Variants in NRG3 observed in about 807,000 individuals in gnomAD.
The protein encoded by NRG3 is neuregulin 3.
Under a neutral mutation model 66.9 loss-of-function variants are expected in NRG3, and 31 were observed. That is an observed-to-expected ratio of 0.46 (90% CI 0.35 to 0.63). NRG3 has a LOEUF of 0.63. NRG3 is among the 20% of genes least tolerant of loss of function. The pLI is 0.00. For missense variants in NRG3, 910 were observed against 878.9 expected (o/e 1.04, Z -0.45); for synonymous variants, 393 against 359.4 (o/e 1.09, Z -1.06).
intron 2 of NRG3, among the ~76,000 whole-genome samples, chr10:82,519,770 T>C (rs1846021114): frequency 6.6e-6 from 1 of 152,104 alleles, no homozygotes; most frequent in South Asian, 2.1e-4. Flanking sequence ...GTCAGGTCCA[T>C]GGGGGAGAAA....
chr10:81,999,862 A>C (rs1019502349), intron 1 of NRG3, among the ~76,000 whole-genome samples: 1 of 152,194 alleles, frequency 6.6e-6, no homozygotes, highest in South Asian at 2.1e-4. Flanking sequence ...GCTGAGACAC[A>C]GGGAGTATAA....
At chr10:82,122,069 C>T (rs752033407) in intron 1 of NRG3, among the ~76,000 whole-genome samples, 4 of 152,152 alleles carry the variant, frequency 2.6e-5, no homozygotes, top group Non-Finnish European at 5.9e-5. Flanking sequence ...GGTTCAGTCT[C>T]ATCGGTAAAA....
In NRG3 at chr10:82,219,455, C is replaced by T. The variant is rs531341070; in HGVS notation, c.824-139284C>T. 5.3e-5 allele frequency among the ~76,000 whole-genome samples: 8 copies of T among 152,004 alleles called. No homozygotes were observed. The East Asian group carries it at 1.6e-3, about 29-fold the overall frequency. On this transcript the variant is annotated intron_variant, in intron 1 of 8. Transcript: ENST00000372141. ...ATCTATTTTAAGATCCACTTGCAAG[C>T]TACATCTACATAAATGTCCATTAAC...
intron 1 of NRG3, among the ~76,000 whole-genome samples, chr10:82,047,851 C>T (rs1291733239): frequency 2.6e-5 from 4 of 152,018 alleles, no homozygotes; most frequent in African/African-American, 9.7e-5. Flanking sequence ...ATTCAGGAAA[C>T]CCATCTCACA....
chr10:82,623,089 T>G (rs1300473669), intron 2 of NRG3, among the ~76,000 whole-genome samples: 1 of 152,178 alleles, frequency 6.6e-6, no homozygotes, highest in Admixed American at 6.5e-5. Flanking sequence ...TTTATTTGAC[T>G]ATTTCACCCA....
At chr10:82,092,589 G>C (rs895253287) in intron 1 of NRG3, among the ~76,000 whole-genome samples, 15 of 152,162 alleles carry the variant, frequency 9.9e-5, no homozygotes, top group African/African-American at 3.6e-4. Context: ...AGGTCTGTTG[G>C]GAGATCATTC....
chr10:82,414,693 A>G (rs1051361652), intron 2 of NRG3, among the ~76,000 whole-genome samples: 2 of 152,190 alleles, frequency 1.3e-5, no homozygotes, highest in African/African-American at 4.8e-5. Flanking sequence ...GGTTATATCA[A>G]TCAGGGTTCC....
At chr10:82,403,172 T>C (rs542166178) in intron 2 of NRG3, among the ~76,000 whole-genome samples, 24 of 152,154 alleles carry the variant, frequency 1.6e-4, no homozygotes, top group Non-Finnish European at 2.5e-4. Context: ...TGGGACTTCA[T>C]AAAAGCATTG....
At chr10:82,425,839 T>C (rs2089397147) in intron 2 of NRG3, among the ~76,000 whole-genome samples, 1 of 152,190 alleles carries the variant, frequency 6.6e-6, no homozygotes, top group African/African-American at 2.4e-5. Context: ...CCTTCTTAAA[T>C]AGTTCATTAG....
At chr10:82,041,822 C>T (rs1222604652) in intron 1 of NRG3, among the ~76,000 whole-genome samples, 3 of 87,884 alleles carry the variant, frequency 3.4e-5, no homozygotes, top group Admixed American at 1.3e-4. Flanking sequence ...CTCTCTCTCT[C>T]TCTCTCTGTC....
chr10:82,134,162 C>T (rs1325867519), intron 1 of NRG3, among the ~76,000 whole-genome samples: 1 of 152,064 alleles, frequency 6.6e-6, no homozygotes, highest in East Asian at 1.9e-4. Context: ...GGATATTAGA[C>T]CTTTGTCACA....
chr10:82,854,003 C>T (rs915915828), intron 3 of NRG3, among the ~76,000 whole-genome samples: 3 of 151,970 alleles, frequency 2.0e-5, no homozygotes, highest in Non-Finnish European at 2.9e-5. Flanking sequence ...GTTTATACTT[C>T]CCAAAAGTAT....
intron 4 of NRG3, among the ~76,000 whole-genome samples, chr10:82,918,911 T>C (rs1454785392): frequency 6.6e-6 from 1 of 152,212 alleles, no homozygotes; most frequent in Non-Finnish European, 1.5e-5. Context: ...TTAGTTGGAA[T>C]TCAAATGAAC....
At chr10:82,946,173 G>T (rs1290581487) in intron 4 of NRG3, among the ~76,000 whole-genome samples, 3 of 150,712 alleles carry the variant, frequency 2.0e-5, no homozygotes, top group Admixed American at 6.6e-5. Context: ...TTTTGATAGT[G>T]CAAGGCTCTT....
intron 4 of NRG3, among the ~76,000 whole-genome samples, chr10:82,951,032 C>G (rs1350774510): frequency 6.6e-6 from 1 of 152,106 alleles, no homozygotes; most frequent in African/African-American, 2.4e-5. Flanking sequence ...CAGCCAAGGA[C>G]TAAATCAGAA....
rs540561703 is a variant in NRG3, at chr10:82,027,553, A to G, written c.823+151390A>G. ...TTTTCTTCCTGTGCATTAAAGCATA[A>G]TATGAGGAAACTATTAGCTACAAAG... On this transcript the variant is annotated intron_variant, in intron 1 of 8. Transcript: ENST00000372141. Among the ~76,000 whole-genome samples the G allele has an allele frequency of 1.1e-3, 164 of 152,268 alleles. 1 individual carries two copies. The South Asian group carries it at 0.012, about 11-fold the overall frequency.
At chr10:82,637,755 C>T (rs2133786183) in intron 2 of NRG3, among the ~76,000 whole-genome samples, 1 of 152,216 alleles carries the variant, frequency 6.6e-6, no homozygotes, top group African/African-American at 2.4e-5. Flanking sequence ...ACTTGTGATC[C>T]AGAGCTTTTT....
intron 1 of NRG3, among the ~76,000 whole-genome samples, chr10:82,210,225 A>G (rs1215923901): frequency 6.6e-6 from 1 of 152,194 alleles, no homozygotes; most frequent in Non-Finnish European, 1.5e-5. Flanking sequence ...TTATGTAGAC[A>G]TTTGAGGCTT....
At chr10:82,190,267 CA>C (rs2074060618) in intron 1 of NRG3, among the ~76,000 whole-genome samples, 1 of 151,500 alleles carries the variant, frequency 6.6e-6, no homozygotes, top group Non-Finnish European at 1.5e-5. Context: ...TTCATAATAC[CA>C]TTAAAAAATT....
Sources: allele counts gnomAD v4.1 joint callset (sites outside exome capture counted in the v4.1 genomes callset), GRCh38; gene constraint gnomAD v4.1.1; transcripts MANE v1.5; gene names NCBI Gene and HGNC (gene_info 2026-07-23, HGNC 2026-07-21).